The following CYTH3 variants were observed in gnomAD, a reference collection of about 807,000 sequenced individuals.
The protein encoded by CYTH3 is cytohesin 3, also known as cytohesin-3.
A neutral mutation model predicts 55.1 loss-of-function variants in CYTH3; 23 were observed. The observed-to-expected ratio is 0.42, with a 90% confidence interval of 0.30 to 0.59. The LOEUF is 0.59. Ranked by LOEUF, CYTH3 falls within the 20% of genes least tolerant of loss-of-function variation. The pLI is 0.20. For missense variants in CYTH3, 413 were observed against 524.8 expected (o/e 0.79, Z 2.08); for synonymous variants, 249 against 194.9 (o/e 1.28, Z -2.31).
chr7:6,176,863 C>T (rs1478937986), intron 5 of CYTH3, among the ~76,000 whole-genome samples: 1 of 152,142 alleles, frequency 6.6e-6, no homozygotes, highest in Non-Finnish European at 1.5e-5. Flanking sequence ...TTTATAGGTA[C>T]CCTCCATCAT....
chr7:6,230,068 A>T (rs768589976), intron 1 of CYTH3, among the ~76,000 whole-genome samples: 2 of 149,116 alleles, frequency 1.3e-5, no homozygotes, highest in Admixed American at 6.7e-5. Context: ...TGGGAGGTGG[A>T]GGTTGCAATA....
chr7:6,258,000 C>A (rs908632776), intron 1 of CYTH3, among the ~76,000 whole-genome samples: 3 of 152,098 alleles, frequency 2.0e-5, no homozygotes, highest in Non-Finnish European at 4.4e-5. Flanking sequence ...CCAACAAAGT[C>A]TAGCATAAGA....
chr7:6,272,344 G>A (rs1653467672), intron 1 of CYTH3, 130 bp downstream of exon 1: 1 of 877,996 alleles, frequency 1.1e-6, no homozygotes, highest in Non-Finnish European at 1.4e-6. Context: ...GGCCTCCAGC[G>A]GACGCCGCTG....
chr7:6,223,919 C>A (rs1779165800), intron 1 of CYTH3, among the ~76,000 whole-genome samples: 1 of 145,544 alleles, frequency 6.9e-6, no homozygotes, highest in Admixed American at 6.9e-5. Flanking sequence ...CAAGACAGAT[C>A]ATGTACACAA....
At chr7:6,214,333 TAAG>T (rs1784383237) in intron 1 of CYTH3, among the ~76,000 whole-genome samples, 1 of 152,198 alleles carries the variant, frequency 6.6e-6, no homozygotes, top group Non-Finnish European at 1.5e-5. Context: ...ATTCAAAACA[TAAG>T]AAATAAATTT....
Position 6,163,519 on chromosome 7 carries a change from T to TG in CYTH3, c.*1424dup, listed in dbSNP as rs1162621526. 6.6e-6 allele frequency: 1 copy of TG among 152,520 alleles called. No homozygotes were observed. Among genetic ancestry groups the TG allele is most frequent in the Non-Finnish European group, 1.5e-5 (1 of 68,318 alleles). The allele number at this position is 152,520 out of a possible 1,614,324, so 9.4% of individuals were successfully genotyped here. ...GGCCCGGGTCGGCCCAAGCACACAA[T>TG]GCCCCCGGTCCAGCCCTGAGCCCTC... On this transcript the variant is annotated 3_prime_UTR_variant, in exon 13 of 13. Coordinates refer to ENST00000350796, the MANE Select transcript of CYTH3 (RefSeq NM_004227.4).
chr7:6,170,584 C>A lies in CYTH3; in HGVS notation c.774G>T (p.Leu258=). The A allele has an allele frequency of 6.2e-7, 1 of 1,614,032 alleles. No individual in the cohort carries two copies. The highest frequency in any genetic ancestry group is 8.5e-7 in the Non-Finnish European group (1 of 1,179,900). The change falls in exon 9 of 13, where the codon CTG becomes CTT. Residue 258 remains leucine (L), a synonymous_variant. Coordinates refer to ENST00000350796, the MANE Select transcript of CYTH3 (RefSeq NM_004227.4). This position sits in a 1 kb window ranked among gnomAD's most constrained non-coding sequence, Gnocchi z 7.8. The stretch of plus-strand genomic sequence containing the variant: ...GGTCGGGGTTGAAGAAGGTGTGGGT[C>A]AGGTCGTTCCCGTCGTCCTCCGGGA... ...FKIPEDDGND[L]THTFFNPDRE...
chr7:6,179,958 G>T (rs373829072), intron 4 of CYTH3, among the ~76,000 whole-genome samples: 1 of 147,022 alleles, frequency 6.8e-6, no homozygotes, highest in African/African-American at 2.5e-5. Flanking sequence ...AGCAATGCAG[G>T]TCTGGTCCTT....
chr7:6,268,136 G>A (rs1002279777), intron 1 of CYTH3, among the ~76,000 whole-genome samples: 2 of 151,890 alleles, frequency 1.3e-5, no homozygotes, highest in Non-Finnish European at 2.9e-5. Context: ...ATGGGAGCAC[G>A]CAATGCACAC....
chr7:6,216,106 A>G (rs1160118229), intron 1 of CYTH3, among the ~76,000 whole-genome samples: 4 of 152,244 alleles, frequency 2.6e-5, no homozygotes, highest in Non-Finnish European at 5.9e-5. Flanking sequence ...TTAGAAAACA[A>G]TAACAAAAGA....
At chr7:6,253,805 G>A (rs961621189) in intron 1 of CYTH3, among the ~76,000 whole-genome samples, 1 of 151,504 alleles carries the variant, frequency 6.6e-6, no homozygotes, top group Non-Finnish European at 1.5e-5. Context: ...GACAGAGTGA[G>A]ATGCTGTCTC....
At chr7:6,196,113 AGAGT>A (rs1454286715) in intron 1 of CYTH3, among the ~76,000 whole-genome samples, 1 of 152,200 alleles carries the variant, frequency 6.6e-6, no homozygotes, top group Non-Finnish European at 1.5e-5. Flanking sequence ...GTCTCTCTCA[AGAGT>A]GAGAAGTCTT....
chr7:6,195,836 T>C (rs1783910558), intron 1 of CYTH3, among the ~76,000 whole-genome samples: 1 of 152,154 alleles, frequency 6.6e-6, no homozygotes, highest in Admixed American at 6.6e-5. Flanking sequence ...AAAAAATATT[T>C]GAAGAAATAA....
chr7:6,222,308 G>A (rs752642775), intron 1 of CYTH3, among the ~76,000 whole-genome samples: 1 of 152,186 alleles, frequency 6.6e-6, no homozygotes, highest in South Asian at 2.1e-4. Flanking sequence ...TGTCGATAAT[G>A]CCTAACTCTG....
intron 1 of CYTH3, among the ~76,000 whole-genome samples, chr7:6,214,187 T>C (rs1443139775): frequency 6.6e-6 from 1 of 152,098 alleles, no homozygotes; most frequent in African/African-American, 2.4e-5. Flanking sequence ...TAAACGGCCA[T>C]GTGATAAAGC....
chr7:6,241,856 G>C (rs1343013532), intron 1 of CYTH3, among the ~76,000 whole-genome samples: 3 of 152,122 alleles, frequency 2.0e-5, no homozygotes, highest in African/African-American at 7.2e-5. Flanking sequence ...ATGATCTCCA[G>C]ATATTACATG....
At chr7:6,199,977 CAAT>C (rs1054042135) in intron 1 of CYTH3, among the ~76,000 whole-genome samples, 1 of 152,094 alleles carries the variant, frequency 6.6e-6, no homozygotes, top group African/African-American at 2.4e-5. Flanking sequence ...ACAAAGTGTG[CAAT>C]AATATTAAGA....
At chr7:6,236,383 T>C (rs901074018) in intron 1 of CYTH3, among the ~76,000 whole-genome samples, 2 of 111,506 alleles carry the variant, frequency 1.8e-5, no homozygotes, top group Admixed American at 9.0e-5. Flanking sequence ...TTTTTTTTTT[T>C]ACTTTTTGTA....
intron 6 of CYTH3, among the ~76,000 whole-genome samples, 191 bp downstream of exon 6, chr7:6,173,460 CGT>C (rs750121691): frequency 8.5e-5 from 13 of 152,320 alleles, no homozygotes; most frequent in Non-Finnish European, 1.6e-4. Context: ...TTATCTTAAG[CGT>C]GTGCCCCAAT....
Sources: gnomAD v4.1 joint callset for allele counts (sites outside exome capture counted in the v4.1 genomes callset) on GRCh38, gnomAD v4.1.1 for gene constraint, Gnocchi (gnomAD v3.1) non-coding constraint, MANE v1.5 for transcripts, NCBI Gene and HGNC (gene_info 2026-07-23, HGNC 2026-07-21) for gene names.